The following PLCL1 variants were observed in gnomAD, a reference collection of about 807,000 sequenced individuals.
The protein encoded by PLCL1 is inactive phospholipase C-like protein 1.
Under a neutral mutation model 84.4 loss-of-function variants are expected in PLCL1, and 41 were observed. That is an observed-to-expected ratio of 0.49 (90% CI 0.38 to 0.63). PLCL1 has a LOEUF of 0.63. Among genes scored for constraint, PLCL1 ranks in the 30% least tolerant of loss-of-function variants. The pLI, the probability that PLCL1 is intolerant of heterozygous loss-of-function variation, is 0.00. For missense variants in PLCL1, 1,206 were observed against 1,367.8 expected, an observed-to-expected ratio of 0.88 and a Z score of 1.87; for synonymous variants, 490 against 488.3, an observed-to-expected ratio of 1.00 and a Z score of -0.05.
chr2:197,952,030 T>C (rs1689400141), intron 1 of PLCL1, among the ~76,000 whole-genome samples: 1 of 152,186 alleles, frequency 6.6e-6, no homozygotes, highest in Non-Finnish European at 1.5e-5. Context: ...CCAGGACTGA[T>C]AGGATCCTGT....
intron 1 of PLCL1, among the ~76,000 whole-genome samples, chr2:197,936,767 G>A (rs1434684783): frequency 6.6e-6 from 1 of 151,970 alleles, no homozygotes; most frequent in Non-Finnish European, 1.5e-5. Flanking sequence ...AATTCCGTTT[G>A]TCTATTTTTG....
chr2:197,959,025 G>C (rs1689552583), intron 1 of PLCL1, among the ~76,000 whole-genome samples: 1 of 152,002 alleles, frequency 6.6e-6, no homozygotes. Flanking sequence ...TACTGTTCTA[G>C]TACAGTATAC....
intron 1 of PLCL1, among the ~76,000 whole-genome samples, chr2:197,933,333 G>T (rs1688984805): frequency 6.8e-6 from 1 of 146,796 alleles, no homozygotes; most frequent in Admixed American, 6.9e-5. Context: ...GTGCGATCTC[G>T]GCTCACTGCA....
At chr2:198,136,813 C>T (rs1253340123) in intron 5 of PLCL1, among the ~76,000 whole-genome samples, 6 of 152,098 alleles carry the variant, frequency 3.9e-5, no homozygotes. Flanking sequence ...TATGACGATA[C>T]CTTTGAAGTG....
chr2:198,025,349 C>T (rs1001500378), intron 1 of PLCL1, among the ~76,000 whole-genome samples: 3 of 151,700 alleles, frequency 2.0e-5, no homozygotes, highest in Non-Finnish European at 1.5e-5. Flanking sequence ...CCCCTTTCTA[C>T]ACAAATGTAG....
chr2:198,125,487 C>CT (rs1693963352), intron 5 of PLCL1, among the ~76,000 whole-genome samples: 1 of 151,892 alleles, frequency 6.6e-6, no homozygotes, highest in Non-Finnish European at 1.5e-5. Context: ...AATGTTTGGA[C>CT]TTTTCACAGC....
intron 1 of PLCL1, among the ~76,000 whole-genome samples, chr2:197,904,493 T>C (rs936319092): frequency 1.3e-5 from 2 of 152,204 alleles, no homozygotes; most frequent in African/African-American, 2.4e-5. Context: ...ATTTCCTTTA[T>C]TGGTTTTTTC....
At chr2:197,867,990 G>T (rs1687580573) in intron 1 of PLCL1, among the ~76,000 whole-genome samples, 1 of 152,098 alleles carries the variant, frequency 6.6e-6, no homozygotes, top group Non-Finnish European at 1.5e-5. Flanking sequence ...CTTTAAACAT[G>T]ACAATGATTG....
chr2:197,837,070 T>A (rs1349793169), intron 1 of PLCL1, among the ~76,000 whole-genome samples: 1 of 152,094 alleles, frequency 6.6e-6, no homozygotes, highest in Non-Finnish European at 1.5e-5. Flanking sequence ...TAAATCATGA[T>A]TTCTTCCCTG....
At chr2:197,939,717 CTTT>C (rs869135841) in intron 1 of PLCL1, among the ~76,000 whole-genome samples, 28 of 112,162 alleles carry the variant, frequency 2.5e-4, no homozygotes, top group African/African-American at 5.7e-4. Context: ...CTTCAACAGA[CTTT>C]TTTTTTTTTT....
intron 1 of PLCL1, among the ~76,000 whole-genome samples, chr2:197,945,179 A>G (rs1396782644): frequency 1.3e-5 from 2 of 152,224 alleles, no homozygotes; most frequent in Admixed American, 6.5e-5. Flanking sequence ...GCTTTGTAAT[A>G]TACACATTTC....
chr2:197,901,661 A>G (rs1688271127), intron 1 of PLCL1, among the ~76,000 whole-genome samples: 1 of 152,246 alleles, frequency 6.6e-6, no homozygotes, highest in African/African-American at 2.4e-5. Flanking sequence ...CCGAGAGGAT[A>G]AAGATTCAGA....
chr2:198,024,795 C>CT (rs1468230559), intron 1 of PLCL1, among the ~76,000 whole-genome samples: 3 of 151,552 alleles, frequency 2.0e-5, no homozygotes, highest in Non-Finnish European at 2.9e-5. Context: ...CGAGTGGTAC[C>CT]TTTTTTTGCA....
At chr2:198,025,158 A>G (rs1308042596) in intron 1 of PLCL1, among the ~76,000 whole-genome samples, 2 of 152,118 alleles carry the variant, frequency 1.3e-5, no homozygotes, top group Non-Finnish European at 2.9e-5. Context: ...AACAAGGTAC[A>G]TTTGGAGTAT....
intron 1 of PLCL1, among the ~76,000 whole-genome samples, chr2:197,842,604 TTCAC>T (rs1190880173): frequency 2.6e-5 from 4 of 152,142 alleles, no homozygotes; most frequent in African/African-American, 9.7e-5. Context: ...CTGTTTTCTC[TTCAC>T]TCACTCTTAC....
At chr2:197,930,372 A>G (rs1321143387) in intron 1 of PLCL1, among the ~76,000 whole-genome samples, 1 of 152,192 alleles carries the variant, frequency 6.6e-6, no homozygotes, top group Admixed American at 6.5e-5. Flanking sequence ...AAATGATATG[A>G]CTGAACTCAA....
Position 197,918,971 on chromosome 2 carries a change from T to TCTCACACA in PLCL1, c.240+113633_240+113634insTCACACAC, listed in dbSNP as rs373512508. The stretch of plus-strand genomic sequence containing the variant: ...CTCTCTCTCTCTCTCTCTCTCTCCC[T>TCTCACACA]CACACACACACATACACACACAAAG... On this transcript the variant is annotated intron_variant, in intron 1 of 5. Coordinates refer to ENST00000428675, the MANE Select transcript of PLCL1 (RefSeq NM_006226.4). Among the ~76,000 whole-genome samples, 1,160 of 144,634 alleles carry TCTCACACA rather than the reference T, an allele frequency of 8.0e-3. 15 individuals are homozygous for TCTCACACA. The highest frequency in any genetic ancestry group is 0.014 in the East Asian group (68 of 4,742). 94.9% of individuals were successfully genotyped at this position (144,634 alleles called of 152,430 possible).
chr2:198,142,502 G>A (rs1281120646), intron 5 of PLCL1, among the ~76,000 whole-genome samples: 1 of 151,994 alleles, frequency 6.6e-6, no homozygotes, highest in Admixed American at 6.6e-5. Context: ...TAATGCAGTT[G>A]GAAAGATTTA....
At chr2:197,863,815 A>G (rs564325585) in intron 1 of PLCL1, among the ~76,000 whole-genome samples, 1 of 152,284 alleles carries the variant, frequency 6.6e-6, no homozygotes, top group South Asian at 2.1e-4. Flanking sequence ...CTGTACACTT[A>G]ATATTAAATT....
Sources: allele counts gnomAD v4.1 joint callset (sites outside exome capture counted in the v4.1 genomes callset), GRCh38; gene constraint gnomAD v4.1.1; transcripts MANE v1.5; gene names NCBI Gene and HGNC (gene_info 2026-07-23, HGNC 2026-07-21).